Variants in FUBP1 observed in about 807,000 individuals in gnomAD.
The protein encoded by FUBP1 is far upstream element binding protein 1.
In FUBP1, 16 loss-of-function variants were observed where a neutral mutation model predicts 94.9. That is an observed-to-expected ratio of 0.17 (90% CI 0.11 to 0.26). The LOEUF is 0.26. Ranked by LOEUF, FUBP1 falls within the 10% of genes least tolerant of loss-of-function variation. FUBP1 has a pLI of 1.00. For missense variants in FUBP1, 583 were observed against 808.6 expected, an observed-to-expected ratio of 0.72 and a Z score of 3.38; for synonymous variants, 279 against 254.9, an observed-to-expected ratio of 1.09 and a Z score of -0.90.
intron 18 of FUBP1, among the ~76,000 whole-genome samples, chr1:77,954,816 G>A (rs892125731): frequency 6.6e-6 from 1 of 152,172 alleles, no homozygotes; most frequent in African/African-American, 2.4e-5. Context: ...TGGGAGACAA[G>A]CTTGGGACTC....
In FUBP1 at chr1:77,947,780, A is replaced by G. The variant is rs1159420899; in HGVS notation, c.*986T>C. The G allele has an allele frequency of 2.7e-6, 2 of 741,816 alleles. No homozygotes were observed. The highest frequency in any genetic ancestry group is 3.7e-6 in the Non-Finnish European group (2 of 534,562). The allele number at this position is 741,816 out of a possible 1,614,324, so 46.0% of individuals were successfully genotyped here. ...AAAACAAAGCTTATCTATACTGCAT[A>G]AAGAAAAAAAAAAAGCTTGAACGTT... On this transcript the variant is annotated 3_prime_UTR_variant, in exon 20 of 20. Transcript: ENST00000370768.
Position 77,947,532 on chromosome 1 carries a change from A to T in FUBP1, c.*1234T>A. ...CTCACCCCTACAGAGCTAGTTCTAT[A>T]CTGGCTGGATCAAACCTGCACTTCA... On this transcript the variant is annotated 3_prime_UTR_variant, in exon 20 of 20. Transcript: ENST00000370768. 1 of 1,353,192 alleles carries T rather than the reference A, an allele frequency of 7.4e-7. No homozygotes were observed. Among genetic ancestry groups the T allele is most frequent in the Non-Finnish European group, 9.7e-7 (1 of 1,027,108 alleles). The allele number at this position is 1,353,192 out of a possible 1,614,324, so 83.8% of individuals were successfully genotyped here.
Position 77,967,671 on chromosome 1 carries a change from C to A in FUBP1, c.251-5G>T, listed in dbSNP as rs1656764466. On this transcript the variant is annotated splice_region_variant and splice_polypyrimidine_tract_variant and intron_variant, in intron 3 of 19. Coordinates refer to ENST00000370768, the MANE Select transcript of FUBP1 (RefSeq NM_003902.5). ...GTGGTAACTGTGTTCCAAAAGCTAT[C>A]AAAAAATTAAATAAAAATAAAACAA... 6.5e-7 allele frequency: 1 copy of A among 1,537,214 alleles called. No individual in the cohort carries two copies. Among genetic ancestry groups the A allele is most frequent in the African/African-American group, 1.4e-5 (1 of 73,284 alleles).
intron 14 of FUBP1, among the ~76,000 whole-genome samples, chr1:77,962,480 T>C (rs1016520641): frequency 2.0e-5 from 3 of 152,204 alleles, no homozygotes; most frequent in African/African-American, 7.2e-5. Context: ...CCTTCAAGTA[T>C]GTTCCACAAT....
intron 4 of FUBP1, 106 bp downstream of exon 4, chr1:77,967,521 C>A (rs1656730444): frequency 1.2e-6 from 1 of 844,000 alleles, no homozygotes; most frequent in Non-Finnish European, 1.9e-6. Flanking sequence ...CTAGGTACAC[C>A]AAAAAATACA....
intron 1 of FUBP1, among the ~76,000 whole-genome samples, chr1:77,972,498 A>T (rs896927639): frequency 6.6e-5 from 10 of 151,728 alleles, no homozygotes; most frequent in Admixed American, 3.3e-4. Flanking sequence ...TAATCCCAGC[A>T]CTTTGGGAGG....
intron 1 of FUBP1, among the ~76,000 whole-genome samples, chr1:77,974,378 C>T (rs983211754): frequency 3.9e-5 from 6 of 152,046 alleles, no homozygotes; most frequent in Non-Finnish European, 8.8e-5. Flanking sequence ...GTGATCCACC[C>T]GCCTCAGCCT....
chr1:77,949,304 T>C lies in FUBP1; in HGVS notation c.1781-4A>G, dbSNP rs1558016544. 1.2e-6 allele frequency: 2 copies of C among 1,609,648 alleles called. No homozygotes were observed. The highest frequency in any genetic ancestry group is 2.2e-5 in the East Asian group (1 of 44,872). On this transcript the variant is annotated splice_polypyrimidine_tract_variant and splice_region_variant and intron_variant, in intron 18 of 19. Transcript: ENST00000370768. ...GTCGGAGCAGGAACTGCCTGACCTT[T>C]GAAAAAAAAGAACTTTGTTGCTGTA...
At chr1:77,968,267 A>G in intron 2 of FUBP1, 64 bp from the exon 3 acceptor site, 1 of 855,314 alleles carries the variant, frequency 1.2e-6, no homozygotes, top group Non-Finnish European at 1.9e-6. Context: ...CCTCCCAAAC[A>G]AGAATAAATA....
Position 77,969,984 on chromosome 1 carries a change from G to A in FUBP1, c.152C>T (p.Thr51Ile), listed in dbSNP as rs2102454748. The A allele has an allele frequency of 6.3e-7, 1 of 1,588,766 alleles. No individual in the cohort carries two copies. The change falls in exon 2 of 20, where the codon ACA becomes ATA. Residue 51 changes from threonine (T) to isoleucine (I), a missense_variant. By Grantham distance (89) the Thr-to-Ile change is moderately conservative (BLOSUM62 -1). Transcript: ENST00000370768. Reference sequence around the variant, plus strand: ...ACCATAGTCATTTGAATTCAGTGATGTCCCTGCATCACCTCCAATTTTTGC... The same window carrying A: ...ACCATAGTCATTTGAATTCAGTGATATCCCTGCATCACCTCCAATTTTTGC... ...IAAKIGGDAGTSLNSNDYGYG... is the reference protein window; with the variant it reads ...IAAKIGGDAGISLNSNDYGYG...
intron 14 of FUBP1, among the ~76,000 whole-genome samples, chr1:77,961,468 G>A (rs1370200199): frequency 6.6e-6 from 1 of 152,014 alleles, no homozygotes; most frequent in Admixed American, 6.6e-5. Context: ...CATTTTTTAG[G>A]GTTATGTGGC....
Position 77,960,384 on chromosome 1 carries a change from G to A in FUBP1, c.1456C>T (p.Pro486Ser), listed in dbSNP as rs2102347452. The change falls in exon 15 of 20, where the codon CCT (proline) becomes TCT (serine). Residue 486 changes from proline to serine, a missense_variant. Transcript: ENST00000370768. Reference sequence around the variant, plus strand: ...GGTGGTCCAGGATTATAAGGTGCAGGGTTGTATGGTCCCATTGGAGTTCCA... The same window carrying A: ...GGTGGTCCAGGATTATAAGGTGCAGAGTTGTATGGTCCCATTGGAGTTCCA... The part of the protein sequence containing the change: ...GPGTPMGPYN[P>S]APYNPGPPGP... The A allele has an allele frequency of 6.2e-7, 1 of 1,603,164 alleles. No individual in the cohort carries two copies. The highest frequency in any genetic ancestry group is 8.5e-7 in the Non-Finnish European group (1 of 1,177,814).
rs748465397 is a variant in FUBP1, at chr1:77,967,658, T to C, written c.259A>G (p.Thr87Ala). Residue 87 changes from threonine (T) to alanine (A), a missense_variant, in exon 4 of 20, where the codon ACA becomes GCA. Transcript: ENST00000370768. ...TGCTGATGCATCGGTGGTAACTGTG[T>C]TCCAAAAGCTATCAAAAAATTAAAT... ...KVAPQNDSFG[T>A]QLPPMHQQQS... 7.6e-6 allele frequency: 12 copies of C among 1,571,148 alleles called. No individual in the cohort carries two copies. The highest frequency in any genetic ancestry group is 1.0e-5 in the Non-Finnish European group (12 of 1,148,518).
At position 77,947,340 on chromosome 1, in the gene FUBP1, T is replaced by C; in HGVS notation, c.*1426A>G. The stretch of plus-strand genomic sequence containing the variant: ...GAGGCAGTTATGGTTTTCCAAGATA[T>C]CAGCACTGTATTCCAACATAATATT... On this transcript the variant is annotated 3_prime_UTR_variant, in exon 20 of 20. Transcript: ENST00000370768. The C allele has an allele frequency of 2.4e-6, 1 of 416,754 alleles. No homozygotes were observed. Among genetic ancestry groups the C allele is most frequent in the Non-Finnish European group, 4.7e-6 (1 of 212,660 alleles). 25.8% of individuals were successfully genotyped at this position (416,754 alleles called of 1,614,324 possible).
intron 13 of FUBP1, 85 bp downstream of exon 13, chr1:77,963,489 C>A: frequency 1.4e-6 from 1 of 693,776 alleles, no homozygotes; most frequent in South Asian, 2.2e-5. Context: ...AGAGAAAAAG[C>A]ATTGCCACTT....
chr1:77,962,666 G>A (rs1469001961), intron 14 of FUBP1, 104 bp downstream of exon 14: 1 of 625,976 alleles, frequency 1.6e-6, no homozygotes, highest in African/African-American at 1.8e-5. Flanking sequence ...TATAAATGCT[G>A]ACTAGTAATG....
At chr1:77,966,338 T>G (rs1246256937) in intron 7 of FUBP1, among the ~76,000 whole-genome samples, 1 of 151,972 alleles carries the variant, frequency 6.6e-6, no homozygotes, top group Admixed American at 6.6e-5. Context: ...AGTGGAAAAG[T>G]GAATGGAACT....
chr1:77,949,361 A>C, intron 18 of FUBP1, 61 bp from the exon 19 acceptor site: 1 of 1,298,704 alleles, frequency 7.7e-7, no homozygotes, highest in African/African-American at 1.5e-5. Flanking sequence ...TCTCATTTCT[A>C]ATAAAAACAA....
intron 16 of FUBP1, among the ~76,000 whole-genome samples, chr1:77,958,908 A>G (rs183472310): frequency 2.4e-4 from 37 of 152,274 alleles, no homozygotes; most frequent in East Asian, 2.1e-3. Context: ...ATTAGTTGTT[A>G]AGAGTATTAT....
Sources: gnomAD v4.1 joint callset for allele counts (sites outside exome capture counted in the v4.1 genomes callset) on GRCh38, gnomAD v4.1.1 for gene constraint, MANE v1.5 for transcripts, NCBI Gene and HGNC (gene_info 2026-07-23, HGNC 2026-07-21) for gene names.